Variants in TMEM117 observed in about 807,000 individuals in gnomAD.
TMEM117 encodes the protein transmembrane protein 117.
Under a neutral mutation model 52.4 loss-of-function variants are expected in TMEM117, and 27 were observed. The ratio of observed to expected loss-of-function variants is 0.51; its 90% CI spans 0.38 to 0.71. TMEM117 has a LOEUF of 0.71. Among genes scored for constraint, TMEM117 ranks in the 30% least tolerant of loss-of-function variants. The probability of loss-of-function intolerance (pLI) is 0.00; values close to 1 mark genes in which losing one functional copy is unlikely to be tolerated. For missense variants in TMEM117, 556 were observed against 630.5 expected, an observed-to-expected ratio of 0.88 and a Z score of 1.26; for synonymous variants, 215 against 206.3, an observed-to-expected ratio of 1.04 and a Z score of -0.36.
intron 5 of TMEM117, among the ~76,000 whole-genome samples, chr12:44,239,477 C>T (rs989985112): frequency 1.3e-5 from 2 of 152,120 alleles, no homozygotes; most frequent in African/African-American, 4.8e-5. Context: ...AACCTTTTAG[C>T]AGCACAGAAA....
intron 2 of TMEM117, among the ~76,000 whole-genome samples, chr12:43,899,508 C>T (rs986760648): frequency 6.6e-6 from 1 of 152,162 alleles, no homozygotes; most frequent in African/African-American, 2.4e-5. Context: ...TCTGAAGAAA[C>T]AGTAGTTTGC....
At chr12:43,868,434 C>T (rs1318985023) in intron 2 of TMEM117, among the ~76,000 whole-genome samples, 1 of 151,760 alleles carries the variant, frequency 6.6e-6, no homozygotes, top group African/African-American at 2.4e-5. Flanking sequence ...TGCCTGTAGT[C>T]CCAGCTACTC....
rs538278410 is a variant in TMEM117, at chr12:44,088,447, A to G, written c.411-55078A>G. On this transcript the variant is annotated intron_variant, in intron 3 of 7. Coordinates refer to ENST00000266534, the MANE Select transcript of TMEM117 (RefSeq NM_032256.3). Reference sequence around the variant, plus strand: ...AAATTAACTCAGATCTTCTAATTTTAGAGCTTGTGATTTTTCCATTATATT... The same window carrying G: ...AAATTAACTCAGATCTTCTAATTTTGGAGCTTGTGATTTTTCCATTATATT... Among the ~76,000 whole-genome samples, 81 of 152,376 alleles carry G rather than the reference A, an allele frequency of 5.3e-4. 1 individual carries two copies. In the South Asian group the frequency reaches 0.01, roughly 19 times the overall value.
intron 3 of TMEM117, among the ~76,000 whole-genome samples, chr12:43,975,122 T>G (rs1356127077): frequency 6.6e-6 from 1 of 152,172 alleles, no homozygotes; most frequent in African/African-American, 2.4e-5. Context: ...CTTAACCTGG[T>G]TTTTGTCTTT....
chr12:43,957,040 A>G (rs888200007), intron 3 of TMEM117, among the ~76,000 whole-genome samples: 1 of 152,208 alleles, frequency 6.6e-6, no homozygotes, highest in African/African-American at 2.4e-5. Context: ...ATCCTCAGCA[A>G]ACTAATGCAG....
At chr12:44,017,262 TAAATAATTGA>T (rs979106783) in intron 3 of TMEM117, among the ~76,000 whole-genome samples, 2 of 151,676 alleles carry the variant, frequency 1.3e-5, no homozygotes, top group African/African-American at 4.8e-5. Flanking sequence ...TTTTAGGTGA[TAAATAATTGA>T]AAGTAAAGGT....
chr12:44,068,781 T>C (rs1306281405), intron 3 of TMEM117, among the ~76,000 whole-genome samples: 3 of 152,156 alleles, frequency 2.0e-5, no homozygotes, highest in Non-Finnish European at 4.4e-5. Context: ...GCCCATGCTG[T>C]TGGGAAAACA....
At chr12:43,797,556 G>T in the TMEM117 span, 3 of 1,371,264 alleles carry the variant, frequency 2.2e-6, no homozygotes, top group Non-Finnish European at 2.9e-6. Flanking sequence ...CTTAGTTCTG[G>T]ATGGTTTGAC....
intron 3 of TMEM117, among the ~76,000 whole-genome samples, chr12:43,986,595 G>A (rs1051031372): frequency 6.6e-6 from 1 of 151,958 alleles, no homozygotes; most frequent in Non-Finnish European, 1.5e-5. Flanking sequence ...TTAGAACTTC[G>A]TGGTATTCCT....
chr12:43,923,778 C>T (rs1944732966), intron 2 of TMEM117, among the ~76,000 whole-genome samples: 3 of 151,956 alleles, frequency 2.0e-5, no homozygotes, highest in South Asian at 4.1e-4. Context: ...TGAGTACAGA[C>T]GATGCTGGAA....
chr12:44,320,451 A>T (rs1290856019), intron 6 of TMEM117, among the ~76,000 whole-genome samples: 1 of 152,182 alleles, frequency 6.6e-6, no homozygotes, highest in Non-Finnish European at 1.5e-5. Context: ...TTTGCATGTC[A>T]TCTATACAAG....
At chr12:43,845,045 C>T (rs1183685450) in intron 2 of TMEM117, 117 bp downstream of exon 2, 2 of 1,203,394 alleles carry the variant, frequency 1.7e-6, no homozygotes, top group East Asian at 4.9e-5. Context: ...TGTCCTCCTG[C>T]CTTAAGTTGT....
chr12:43,806,305 G>A, the TMEM117 span: 5 of 1,429,998 alleles, frequency 3.5e-6, no homozygotes, highest in Middle Eastern at 2.4e-4. Context: ...CCGGCCGGCG[G>A]CCCCAGGAAG....
chr12:43,962,167 C>A (rs1039384735), intron 3 of TMEM117, among the ~76,000 whole-genome samples: 14 of 152,160 alleles, frequency 9.2e-5, no homozygotes, highest in African/African-American at 3.4e-4. Context: ...GGTACCAGGT[C>A]AGGAAGGTAA....
intron 2 of TMEM117, among the ~76,000 whole-genome samples, chr12:43,902,176 G>T (rs914057992): frequency 6.6e-6 from 1 of 152,244 alleles, no homozygotes; most frequent in Non-Finnish European, 1.5e-5. Flanking sequence ...GAACCTGGAA[G>T]TTGGAACTAG....
At chr12:43,936,570 G>T (rs140066910) in intron 2 of TMEM117, among the ~76,000 whole-genome samples, 1 of 152,214 alleles carries the variant, frequency 6.6e-6, no homozygotes, top group East Asian at 1.9e-4. Flanking sequence ...ACAGACCATG[G>T]CACATCATTA....
chr12:44,239,954 T>C (rs894215446), intron 5 of TMEM117, among the ~76,000 whole-genome samples: 3 of 152,138 alleles, frequency 2.0e-5, no homozygotes, highest in African/African-American at 7.2e-5. Flanking sequence ...TGCTTTCCAT[T>C]TGATAAAGTA....
At chr12:44,201,668 A>C (rs1201963934) in intron 4 of TMEM117, among the ~76,000 whole-genome samples, 3 of 152,174 alleles carry the variant, frequency 2.0e-5, no homozygotes, top group Non-Finnish European at 4.4e-5. Flanking sequence ...TAAGGCAATA[A>C]AGGAATGCCT....
intron 4 of TMEM117, among the ~76,000 whole-genome samples, chr12:44,162,551 AG>A (rs1948912124): frequency 6.6e-6 from 1 of 152,206 alleles, no homozygotes; most frequent in African/African-American, 2.4e-5. Flanking sequence ...AAGCTTACAT[AG>A]TCAAAACCTA....
Sources: allele counts gnomAD v4.1 joint callset (sites outside exome capture counted in the v4.1 genomes callset), GRCh38; gene constraint gnomAD v4.1.1; transcripts MANE v1.5; gene names NCBI Gene and HGNC (gene_info 2026-07-23, HGNC 2026-07-21).